Variants in ZMAT4 observed in about 807,000 individuals in gnomAD.
ZMAT4 encodes the protein zinc finger matrin-type 4, also known as zinc finger matrin-type protein 4.
A neutral mutation model predicts 28.7 loss-of-function variants in ZMAT4; 17 were observed. The ratio of observed to expected loss-of-function variants is 0.59; its 90% CI spans 0.41 to 0.89. The LOEUF is 0.89. Ranked by LOEUF, ZMAT4 falls within the 40% of genes least tolerant of loss-of-function variation. The probability of loss-of-function intolerance (pLI) is 0.00; values close to 1 mark genes in which losing one functional copy is unlikely to be tolerated. For missense variants in ZMAT4, 240 were observed against 283.8 expected, an observed-to-expected ratio of 0.85 and a Z score of 1.11; for synonymous variants, 117 against 109.2, an observed-to-expected ratio of 1.07 and a Z score of -0.44.
At chr8:40,602,924 T>C (rs1465830825) in intron 5 of ZMAT4, among the ~76,000 whole-genome samples, 5 of 152,186 alleles carry the variant, frequency 3.3e-5, no homozygotes, top group Non-Finnish European at 7.4e-5. Context: ...TTAAGTCCCA[T>C]CCATTTATCT....
intron 5 of ZMAT4, among the ~76,000 whole-genome samples, chr8:40,586,484 A>G (rs1804676138): frequency 6.6e-6 from 1 of 152,214 alleles, no homozygotes. Context: ...TAAAAGTATT[A>G]CAATGAGGAT....
intron 1 of ZMAT4, among the ~76,000 whole-genome samples, chr8:40,835,256 C>A (rs1563516460): frequency 6.6e-6 from 1 of 152,086 alleles, no homozygotes; most frequent in African/African-American, 2.4e-5. Context: ...CACTAGCCTG[C>A]AAAGAGAAGC....
At chr8:40,681,029 T>C (rs947464396) in intron 4 of ZMAT4, among the ~76,000 whole-genome samples, 4 of 152,208 alleles carry the variant, frequency 2.6e-5, no homozygotes, top group African/African-American at 9.6e-5. Flanking sequence ...CAGTTTACTA[T>C]GTCTGTTCCT....
chr8:40,791,169 A>G (rs1181483417), intron 2 of ZMAT4, among the ~76,000 whole-genome samples: 1 of 152,228 alleles, frequency 6.6e-6, no homozygotes, highest in Non-Finnish European at 1.5e-5. Flanking sequence ...ACCTAAAATA[A>G]TAAAACTTCT....
chr8:40,613,232 G>C (rs12164183), intron 5 of ZMAT4, among the ~76,000 whole-genome samples: 9,472 of 136,980 alleles, frequency 0.069, 714 homozygotes, highest in East Asian at 0.45. Flanking sequence ...ACTCAGGCTG[G>C]AGTACAGCAG....
At chr8:40,568,817 C>CA (rs1198793679) in intron 6 of ZMAT4, among the ~76,000 whole-genome samples, 1 of 152,130 alleles carries the variant, frequency 6.6e-6, no homozygotes, top group Non-Finnish European at 1.5e-5. Context: ...TTACTGCACC[C>CA]AGTCCACAAT....
chr8:40,788,919 T>G (rs1045713628), intron 2 of ZMAT4, among the ~76,000 whole-genome samples: 1 of 150,722 alleles, frequency 6.6e-6, no homozygotes, highest in African/African-American at 2.4e-5. Flanking sequence ...AGATTTAACA[T>G]TTAAAAATCA....
At chr8:40,844,277 C>G (rs1457724149) in intron 1 of ZMAT4, among the ~76,000 whole-genome samples, 2 of 152,140 alleles carry the variant, frequency 1.3e-5, no homozygotes, top group Non-Finnish European at 1.5e-5. Flanking sequence ...TGATGGCGTT[C>G]CCAGAAGAGA....
intron 5 of ZMAT4, among the ~76,000 whole-genome samples, chr8:40,654,706 G>A (rs111784954): frequency 1.2e-4 from 19 of 152,112 alleles, no homozygotes; most frequent in African/African-American, 2.9e-4. Context: ...GATAAAAATC[G>A]CCTGATCATC....
intron 3 of ZMAT4, among the ~76,000 whole-genome samples, chr8:40,762,979 C>T (rs1182566023): frequency 6.6e-6 from 1 of 152,232 alleles, no homozygotes; most frequent in Non-Finnish European, 1.5e-5. Context: ...TGACTGCACA[C>T]TCAAAAGGGC....
chr8:40,696,051 G>T (rs1292513000), intron 4 of ZMAT4, among the ~76,000 whole-genome samples: 1 of 152,044 alleles, frequency 6.6e-6, no homozygotes, highest in African/African-American at 2.4e-5. Context: ...ATTTAAGGGA[G>T]CAAGAATCAG....
chr8:40,860,973 A>C (rs1307970710), intron 1 of ZMAT4, among the ~76,000 whole-genome samples: 1 of 152,190 alleles, frequency 6.6e-6, no homozygotes, highest in African/African-American at 2.4e-5. Context: ...AGCAGATCTC[A>C]AGGTCATTGT....
chr8:40,764,562 C>T (rs966004458), intron 3 of ZMAT4, among the ~76,000 whole-genome samples: 9 of 152,098 alleles, frequency 5.9e-5, no homozygotes, highest in East Asian at 1.9e-4. Flanking sequence ...CAAAGCCATA[C>T]GCTGGGGGTA....
At chr8:40,803,357 G>A (rs55859702) in intron 2 of ZMAT4, among the ~76,000 whole-genome samples, 7,144 of 152,002 alleles carry the variant, frequency 0.047, 241 homozygotes, top group Non-Finnish European at 0.074. Flanking sequence ...AAAAGATAAA[G>A]GACTGTTATC....
intron 2 of ZMAT4, among the ~76,000 whole-genome samples, chr8:40,768,051 G>A (rs991219175): frequency 6.6e-6 from 1 of 152,130 alleles, no homozygotes; most frequent in Non-Finnish European, 1.5e-5. Flanking sequence ...AATAACATAA[G>A]CATTAATTGT....
rs550153134 is a variant in ZMAT4, at chr8:40,710,791, T to G, written c.193-13390A>C. The stretch of plus-strand genomic sequence containing the variant: ...TCTTTAAAAAGATCAAGACTTTTCT[T>G]TTTTTTTTGAGACACAGTCTCACTC... On this transcript the variant is annotated intron_variant, in intron 3 of 6. Transcript: ENST00000297737. Among the ~76,000 whole-genome samples, 10 of 151,280 alleles carry G rather than the reference T, an allele frequency of 6.6e-5. No individual in the cohort carries two copies. The South Asian group carries it at 2.1e-3, about 32-fold the overall frequency.
intron 3 of ZMAT4, among the ~76,000 whole-genome samples, chr8:40,703,832 A>C (rs1200151882): frequency 6.6e-6 from 1 of 152,234 alleles, no homozygotes; most frequent in Non-Finnish European, 1.5e-5. Flanking sequence ...TGAAATTTGA[A>C]GCTTAAGGTG....
intron 5 of ZMAT4, among the ~76,000 whole-genome samples, chr8:40,645,764 A>G (rs1253730105): frequency 2.0e-5 from 3 of 152,160 alleles, no homozygotes; most frequent in Admixed American, 6.5e-5. Flanking sequence ...CAATTTTCAT[A>G]TGAGATACAA....
chr8:40,670,282 A>C (rs1225336854), intron 5 of ZMAT4, among the ~76,000 whole-genome samples: 3 of 152,202 alleles, frequency 2.0e-5, no homozygotes, highest in African/African-American at 7.2e-5. Flanking sequence ...CAGCAATTTG[A>C]TGAGGAAAAG....
Sources: allele counts gnomAD v4.1 joint callset (sites outside exome capture counted in the v4.1 genomes callset), GRCh38; gene constraint gnomAD v4.1.1; transcripts MANE v1.5; gene names NCBI Gene and HGNC (gene_info 2026-07-23, HGNC 2026-07-21).